The following CC2D2A variants were observed in gnomAD, a reference collection of about 807,000 sequenced individuals.
CC2D2A encodes the protein coiled-coil and C2 domain-containing protein 2A.
Under a neutral mutation model 212.9 loss-of-function variants are expected in CC2D2A, and 155 were observed. That is an observed-to-expected ratio of 0.73 (90% confidence interval 0.64 to 0.83). The LOEUF is 0.83. Among genes scored for constraint, CC2D2A ranks in the 40% least tolerant of loss-of-function variants. CC2D2A has a pLI of 0.00. For missense variants in CC2D2A, 1,856 were observed against 1,956.2 expected (o/e 0.95, Z 0.97); for synonymous variants, 667 against 686.5 (o/e 0.97, Z 0.44).
At position 15,478,795 on chromosome 4, in the gene CC2D2A, A is replaced by G. The variant is rs1175527773; in HGVS notation, c.112A>G (p.Arg38Gly). 17 of 1,553,016 alleles carry G rather than the reference A, an allele frequency of 1.1e-5. No homozygotes were observed. Among genetic ancestry groups the G allele is most frequent in the Non-Finnish European group, 1.0e-5 (12 of 1,147,586 alleles). ...GAACTCAAAGGTTCGAAGACAGCCA[A>G]GAAAGAAACAGGTAAGAAGTGACAA... ...NKNSKVRRQP[R>G]KKQPPTAVPK... Residue 38 changes from arginine (R) to glycine (G), a missense_variant, in exon 3 of 37, where the codon AGA becomes GGA. Arg to Gly is a moderately radical substitution (Grantham distance 125, BLOSUM62 -2). Around this residue, in one of 5 missense-constraint regions of CC2D2A, gnomAD observed 1,512 missense variants for 1,579.3 expected, o/e 0.96. Transcript: ENST00000424120.
At chr4:15,490,853 G>A (rs2108986254) in intron 4 of CC2D2A, among the ~76,000 whole-genome samples, 1 of 150,600 alleles carries the variant, frequency 6.6e-6, no homozygotes, top group South Asian at 2.1e-4. Context: ...GAAAAGCACT[G>A]TGAAAATCCA....
At position 15,480,789 on chromosome 4, in the gene CC2D2A, C is replaced by A; in HGVS notation, c.209C>A (p.Thr70Asn). The A allele has an allele frequency of 1.2e-6, 2 of 1,613,454 alleles. No individual in the cohort carries two copies. Among genetic ancestry groups the A allele is most frequent in the Non-Finnish European group, 1.7e-6 (2 of 1,179,646 alleles). ...GAGCCTGTGCAGGAGGAGCCCAAGACCCGCCTCCTGAGTATGACAGTCCGG... is the reference window on the plus strand; with the variant it reads ...GAGCCTGTGCAGGAGGAGCCCAAGAACCGCCTCCTGAGTATGACAGTCCGG... ...PQEPVQEEPKTRLLSMTVRRG... is the reference protein window; with the variant it reads ...PQEPVQEEPKNRLLSMTVRRG... Residue 70 changes from threonine (T) to asparagine (N), a missense_variant, in exon 4 of 37, where the codon ACC (threonine) becomes AAC (asparagine). Transcript: ENST00000424120.
chr4:15,500,107 G>GTGTGTGTGTGTATATATA (rs1479141284), intron 4 of CC2D2A, among the ~76,000 whole-genome samples: 13 of 112,946 alleles, frequency 1.2e-4, no homozygotes, highest in South Asian at 3.1e-4. Context: ...GTGTGTGTGT[G>GTGTGTGTGTGTATATATA]TATATATATA....
chr4:15,560,411 CA>C, intron 22 of CC2D2A, 119 bp from the exon 23 acceptor site: 1 of 575,742 alleles, frequency 1.7e-6, no homozygotes. Flanking sequence ...AGGAAAGTAA[CA>C]GTTGGGCTGG....
At chr4:15,484,819 C>G (rs992328879) in intron 4 of CC2D2A, among the ~76,000 whole-genome samples, 8 of 151,926 alleles carry the variant, frequency 5.3e-5, no homozygotes. Flanking sequence ...GCTGAATATC[C>G]AAGTGGACAT....
chr4:15,563,577 A>T, intron 24 of CC2D2A, 55 bp downstream of exon 24: 1 of 1,559,474 alleles, frequency 6.4e-7, no homozygotes, highest in Non-Finnish European at 8.7e-7. Context: ...AGCCAAGTCA[A>T]TCGCTCCTTT....
chr4:15,578,816 GTT>G (rs955948583), intron 29 of CC2D2A, among the ~76,000 whole-genome samples: 3 of 118,970 alleles, frequency 2.5e-5, no homozygotes, highest in African/African-American at 8.9e-5. Context: ...TTGTTTGTTT[GTT>G]TTTAATAGAG....
At chr4:15,541,331 A>G (rs926689463) in intron 17 of CC2D2A, among the ~76,000 whole-genome samples, 1 of 151,588 alleles carries the variant, frequency 6.6e-6, no homozygotes, top group African/African-American at 2.4e-5. Flanking sequence ...AACAATAGTA[A>G]TAATAATTAT....
intron 4 of CC2D2A, among the ~76,000 whole-genome samples, chr4:15,493,757 G>C (rs1715450728): frequency 6.6e-6 from 1 of 152,128 alleles, no homozygotes; most frequent in Non-Finnish European, 1.5e-5. Context: ...TTTGTTTACT[G>C]CCCTATCCCT....
At chr4:15,556,910 A>T (rs1468625268) in intron 20 of CC2D2A, among the ~76,000 whole-genome samples, 1 of 152,248 alleles carries the variant, frequency 6.6e-6, no homozygotes, top group Non-Finnish European at 1.5e-5. Context: ...CTTTATCTGC[A>T]TATGCACATG....
At chr4:15,560,906 G>A (rs567589097) in intron 23 of CC2D2A, among the ~76,000 whole-genome samples, 29 of 152,054 alleles carry the variant, frequency 1.9e-4, no homozygotes, top group Non-Finnish European at 4.1e-4. Flanking sequence ...TCTCATTCCC[G>A]TTGAACTAAA....
intron 4 of CC2D2A, chr4:15,481,869 A>G: frequency 3.0e-6 from 3 of 985,472 alleles, no homozygotes; most frequent in Non-Finnish European, 3.6e-6. Flanking sequence ...TGAGGCTTGA[A>G]TCAGATGTTT....
At chr4:15,599,404 T>G (rs1721474034) in intron 35 of CC2D2A, 125 bp from the exon 36 acceptor site, 1 of 609,432 alleles carries the variant, frequency 1.6e-6, no homozygotes, top group Non-Finnish European at 2.8e-6. Flanking sequence ...TATGCCTGGA[T>G]AATCACAACT....
chr4:15,510,528 C>A (rs565726191), intron 7 of CC2D2A, among the ~76,000 whole-genome samples: 1 of 152,080 alleles, frequency 6.6e-6, no homozygotes, highest in African/African-American at 2.4e-5. Context: ...CCCATGAGGT[C>A]GAAGCTGCAG....
At chr4:15,524,687 G>A (rs886643198) in intron 11 of CC2D2A, among the ~76,000 whole-genome samples, 8 of 151,912 alleles carry the variant, frequency 5.3e-5, no homozygotes, top group Non-Finnish European at 7.4e-5. Flanking sequence ...TCCTGACCTC[G>A]TGATCTGCCC....
chr4:15,475,564 CTT>C (rs548250866), intron 1 of CC2D2A, among the ~76,000 whole-genome samples: 4 of 152,210 alleles, frequency 2.6e-5, no homozygotes, highest in Non-Finnish European at 4.4e-5. Flanking sequence ...CTGGTCTTGT[CTT>C]TTTACTTGGT....
At chr4:15,482,319 AT>A in intron 4 of CC2D2A, 1 of 979,180 alleles carries the variant, frequency 1.0e-6, no homozygotes, top group Non-Finnish European at 1.2e-6. Flanking sequence ...ACTACCAAAG[AT>A]TACAACTTGT....
chr4:15,537,043 G>T lies in CC2D2A; in HGVS notation c.1731G>T (p.Ser577=). The T allele has an allele frequency of 6.2e-7, 1 of 1,613,586 alleles. No individual in the cohort carries two copies. ...YAQKMEEYRT[S]LQQWKAWRKV... ...AGAAGATGGAAGAATACAGAACGTC[G>T]TTACAACAGTGGAAGGCCTGGAGGA... Residue 577 remains serine, a synonymous_variant, in exon 15 of 37, where the codon TCG becomes TCT. Transcript: ENST00000424120.
chr4:15,566,548 G>A (rs1350067772), intron 24 of CC2D2A, among the ~76,000 whole-genome samples: 3 of 152,026 alleles, frequency 2.0e-5, no homozygotes, highest in Non-Finnish European at 4.4e-5. Flanking sequence ...TGGAAGTTGG[G>A]GAAGGCTCTA....
Sources: gnomAD v4.1 joint callset for allele counts (sites outside exome capture counted in the v4.1 genomes callset) on GRCh38, gnomAD v4.1.1 for gene constraint, gnomAD v4.1.1 regional missense constraint, MANE v1.5 for transcripts, NCBI Gene and HGNC (gene_info 2026-07-23, HGNC 2026-07-21) for gene names.